CDK11B: variants seen among roughly 807,000 people sequenced by gnomAD.
The protein encoded by CDK11B is cyclin-dependent kinase 11B.
Under a neutral mutation model 84.0 loss-of-function variants are expected in CDK11B, and 37 were observed. The observed-to-expected ratio is 0.44, with a 90% CI of 0.34 to 0.58. The LOEUF (loss-of-function observed/expected upper bound fraction) is 0.58. CDK11B is among the 20% of genes least tolerant of loss of function. The pLI, the probability that CDK11B is intolerant of heterozygous loss-of-function variation, is 0.02. For missense variants in CDK11B, 427 were observed against 834.0 expected, an observed-to-expected ratio of 0.51 and a Z score of 6.01; for synonymous variants, 269 against 309.8, an observed-to-expected ratio of 0.87 and a Z score of 1.38.
At chr1:1,657,086 T>TAAG in intron 2 of CDK11B, among the ~76,000 whole-genome samples, 1 of 52,654 alleles carries the variant, frequency 1.9e-5, no homozygotes. Context: ...ATGAACATAC[T>TAAG]AATGAACCGA....
chr1:1,637,966 G>A, intron 12 of CDK11B, 83 bp from the exon 13 acceptor site: 1 of 1,578,512 alleles, frequency 6.3e-7, no homozygotes, highest in East Asian at 2.2e-5. Flanking sequence ...AGGACCGCAG[G>A]CAGTGCCCAA....
rs375642892 is a variant in CDK11B, at chr1:1,637,732, C to T, written c.1464+30G>A. The T allele has an allele frequency of 2.5e-4, 401 of 1,613,682 alleles. 1 individual carries two copies. Among genetic ancestry groups the T allele is most frequent in the Admixed American group, 3.2e-4 (19 of 60,014 alleles). ...GGCCCTGTCAGAAAAGCCTTCCACC[C>T]GGGGCCAGGCGTGGTGGGGCCATGC... On this transcript the variant is annotated intron_variant, in intron 13 of 19. Transcript: ENST00000341832.
chr1:1,638,723 G>A lies in CDK11B; in HGVS notation c.1252-133C>T, dbSNP rs867762793. On this transcript the variant is annotated intron_variant, in intron 11 of 19. Coordinates refer to ENST00000341832, the MANE Select transcript of CDK11B (RefSeq NM_033486.3). ...GCCTTGGGACTGGGCCGGGGGTGGAGCCGGGAGCAGCTCAGTTCTTTCAAA... is the reference window on the plus strand; with the variant it reads ...GCCTTGGGACTGGGCCGGGGGTGGAACCGGGAGCAGCTCAGTTCTTTCAAA... 2.7e-5 allele frequency: 23 copies of A among 847,628 alleles called. No individual in the cohort carries two copies. The African/African-American group carries it at 3.7e-4, about 14-fold the overall frequency. 52.5% of individuals were successfully genotyped at this position (847,628 alleles called of 1,614,324 possible). A position where few individuals can be genotyped will look rare whatever the true frequency, so the allele number is the denominator to read the frequency against.
intron 6 of CDK11B, among the ~76,000 whole-genome samples, chr1:1,644,888 G>A (rs1445819331): frequency 6.7e-6 from 1 of 148,162 alleles, no homozygotes; most frequent in East Asian, 2.0e-4. Context: ...TGCTACTCCG[G>A]AGGCTGAGGC....
chr1:1,657,041 T>C (rs920499910), intron 2 of CDK11B, among the ~76,000 whole-genome samples: 1 of 151,940 alleles, frequency 6.6e-6, no homozygotes, highest in Non-Finnish European at 1.5e-5. Flanking sequence ...TCAAGGCAAG[T>C]TCCCACTATA....
At chr1:1,650,370 C>CTTTTTTTTT (rs1214383150) in intron 4 of CDK11B, among the ~76,000 whole-genome samples, 1 of 120,554 alleles carries the variant, frequency 8.3e-6, no homozygotes. Flanking sequence ...TCTTTTTTTT[C>CTTTTTTTTT]TTTTTTTTTT....
Position 1,654,238 on chromosome 1 carries a change from A to G in CDK11B, c.227+1131T>C, listed in dbSNP as rs559691615. On this transcript the variant is annotated intron_variant, in intron 3 of 19. Coordinates refer to ENST00000341832, the MANE Select transcript of CDK11B (RefSeq NM_033486.3). ...ACAAACGAGAAACAGTTCATGGCACAGGAAGAAACGTCGGAACACACAGGT... is the reference window on the plus strand; with the variant it reads ...ACAAACGAGAAACAGTTCATGGCACGGGAAGAAACGTCGGAACACACAGGT... 347 of 441,916 alleles carry G rather than the reference A, an allele frequency of 7.9e-4. 1 individual carries two copies. The highest frequency in any genetic ancestry group is 1.3e-3 in the Non-Finnish European group (297 of 221,748). 27.4% of individuals were successfully genotyped at this position (441,916 alleles called of 1,614,324 possible). A position where few individuals can be genotyped will look rare whatever the true frequency, so the allele number is the denominator to read the frequency against.
chr1:1,653,528 C>T (rs1642289542), intron 3 of CDK11B, among the ~76,000 whole-genome samples: 1 of 151,754 alleles, frequency 6.6e-6, no homozygotes, highest in African/African-American at 2.4e-5. Context: ...ACCATGTTGG[C>T]CAGGCTGATC....
intron 5 of CDK11B, among the ~76,000 whole-genome samples, chr1:1,649,039 G>A (rs1641544969): frequency 6.6e-6 from 1 of 151,984 alleles, no homozygotes; most frequent in African/African-American, 2.4e-5. Context: ...AGTTCTCTTG[G>A]TCAGCCTCGT....
intron 5 of CDK11B, among the ~76,000 whole-genome samples, chr1:1,647,973 C>G (rs1424098530): frequency 6.6e-6 from 1 of 152,294 alleles, no homozygotes; most frequent in East Asian, 1.9e-4. Flanking sequence ...AGGTCAGATT[C>G]TTACTGCTTT....
chr1:1,657,926 A>ATG (rs1491275354), intron 1 of CDK11B, among the ~76,000 whole-genome samples: 5 of 113,334 alleles, frequency 4.4e-5, no homozygotes, highest in East Asian at 4.9e-4. Flanking sequence ...AAAAAAAAAA[A>ATG]GTAAGCTCTA....
rs368694836 is a variant in CDK11B at position 1,637,147 on chromosome 1, G to A, written c.1626C>T (p.Asp542=). 9.0e-5 allele frequency: 146 copies of A among 1,613,578 alleles called. 1 individual carries two copies. The highest frequency in any genetic ancestry group is 2.0e-4 in the Admixed American group (12 of 59,992). The change falls in exon 15 of 20, where the codon GAC becomes GAT. Residue 542 remains aspartate (D), a synonymous_variant. Coordinates refer to ENST00000341832, the MANE Select transcript of CDK11B (RefSeq NM_033486.3). ...TGAGGTCACGGTGCAGGATCCAGTT[G>A]TCGTGCAGGTGTTTCACCCCACGCA... ...QLLRGVKHLH[D]NWILHRDLKT...
intron 11 of CDK11B, among the ~76,000 whole-genome samples, chr1:1,638,810 G>A (rs1639794558): frequency 6.6e-6 from 1 of 151,924 alleles, no homozygotes; most frequent in African/African-American, 2.4e-5. Flanking sequence ...GTGAACAAAA[G>A]GCCATCCCAG....
intron 1 of CDK11B, among the ~76,000 whole-genome samples, chr1:1,658,384 T>C (rs1405785740): frequency 2.0e-5 from 3 of 150,028 alleles, no homozygotes; most frequent in African/African-American, 7.4e-5. Context: ...GTTTCTGTCA[T>C]TCTTGTATGG....
chr1:1,646,294 T>C (rs1641102829), intron 5 of CDK11B: 2 of 421,804 alleles, frequency 4.7e-6, no homozygotes, highest in Middle Eastern at 3.6e-4. Flanking sequence ...TATTCTTCCC[T>C]TTTTGATTTT....
intron 1 of CDK11B, among the ~76,000 whole-genome samples, chr1:1,658,159 C>CAAAAA: frequency 8.3e-6 from 1 of 119,900 alleles, no homozygotes; most frequent in East Asian, 2.7e-4. Context: ...GACCCCGTCT[C>CAAAAA]AAAAAAAAAA....
chr1:1,655,540 G>C lies in CDK11B; in HGVS notation c.112-56C>G. 2.0e-6 allele frequency: 3 copies of C among 1,499,420 alleles called. No individual in the cohort carries two copies. In the South Asian group the frequency reaches 3.8e-5, roughly 19 times the overall value. The allele number at this position is 1,499,420 out of a possible 1,614,324, so 92.9% of individuals were successfully genotyped here. A position where few individuals can be genotyped will look rare whatever the true frequency, so the allele number is the denominator to read the frequency against. On this transcript the variant is annotated intron_variant, in intron 2 of 19. Transcript: ENST00000341832. Reference sequence around the variant, plus strand: ...CTTTATAAGTTTTTTTTTCTTCATAGATAAAAGTATTTTTAATGATAATCA... The same window carrying C: ...CTTTATAAGTTTTTTTTTCTTCATACATAAAAGTATTTTTAATGATAATCA...
Position 1,637,067 on chromosome 1 carries a change from G to C in CDK11B, c.1692+14C>G, listed in dbSNP as rs184923655. 1.2e-6 allele frequency: 2 copies of C among 1,613,532 alleles called. No homozygotes were observed. Among genetic ancestry groups the C allele is most frequent in the South Asian group, 1.1e-5 (1 of 91,066 alleles). ...CAGGTCTCCCTGGGATGGGCCACTC[G>C]GAGGGGGGCTCACCTTGAGGATGCC... On this transcript the variant is annotated intron_variant, in intron 15 of 19. Coordinates refer to ENST00000341832, the MANE Select transcript of CDK11B (RefSeq NM_033486.3).
At chr1:1,646,886 C>T (rs375954477) in intron 5 of CDK11B, 6 of 519,866 alleles carry the variant, frequency 1.2e-5, no homozygotes, top group Non-Finnish European at 2.3e-5. Context: ...ATTGAAGCTC[C>T]CCTTTCATGG....
Sources: gnomAD v4.1 joint callset for allele counts (sites outside exome capture counted in the v4.1 genomes callset) on GRCh38, gnomAD v4.1.1 for gene constraint, MANE v1.5 for transcripts, NCBI Gene and HGNC (gene_info 2026-07-23, HGNC 2026-07-21) for gene names.